MAST4: variants seen among roughly 807,000 people sequenced by gnomAD.
MAST4 encodes the protein microtubule-associated serine/threonine-protein kinase 4.
Under a neutral mutation model 162.7 loss-of-function variants are expected in MAST4, and 89 were observed. The observed-to-expected ratio is 0.55, with a 90% confidence interval of 0.46 to 0.65. The LOEUF (loss-of-function observed/expected upper bound fraction) is 0.65. MAST4 is among the 30% of genes least tolerant of loss of function. MAST4 has a pLI of 0.00. For missense variants in MAST4, 3,153 were observed against 3,374.0 expected, an observed-to-expected ratio of 0.93 and a Z score of 1.62; for synonymous variants, 1,479 against 1,361.1, an observed-to-expected ratio of 1.09 and a Z score of -1.91.
At chr5:66,711,536 TAGAA>T (rs1460020441) in intron 1 of MAST4, among the ~76,000 whole-genome samples, 10 of 152,160 alleles carry the variant, frequency 6.6e-5, no homozygotes, top group Non-Finnish European at 1.5e-4. Flanking sequence ...GCCTCCTCCT[TAGAA>T]AGACGCTTTT....
chr5:67,144,519 T>C, intron 21 of MAST4, 150 bp from the exon 22 acceptor site: 5 of 722,612 alleles, frequency 6.9e-6, no homozygotes, highest in Admixed American at 2.8e-5. Flanking sequence ...CTCTGGATTC[T>C]GGTTAACAAC....
chr5:66,847,763 G>A (rs1023272453), intron 3 of MAST4, among the ~76,000 whole-genome samples: 1 of 138,300 alleles, frequency 7.2e-6, no homozygotes, highest in Non-Finnish European at 1.5e-5. Context: ...GGAAGTTGCA[G>A]TGAGCTGAGA....
chr5:66,825,710 A>C (rs1757220169), intron 3 of MAST4, among the ~76,000 whole-genome samples: 1 of 152,214 alleles, frequency 6.6e-6, no homozygotes, highest in Non-Finnish European at 1.5e-5. Flanking sequence ...TATTCCAGGA[A>C]GTAAATTATG....
At chr5:66,924,729 T>G (rs941466794) in intron 4 of MAST4, among the ~76,000 whole-genome samples, 1 of 152,122 alleles carries the variant, frequency 6.6e-6, no homozygotes, top group Non-Finnish European at 1.5e-5. Context: ...AAATTGATCA[T>G]GTAGGTGGTC....
intron 10 of MAST4, among the ~76,000 whole-genome samples, chr5:67,104,787 T>G (rs972403793): frequency 6.6e-6 from 1 of 152,180 alleles, no homozygotes; most frequent in Non-Finnish European, 1.5e-5. Context: ...GTAATAACCT[T>G]TACAGGAATC....
intron 4 of MAST4, chr5:66,958,958 A>T (rs1166086772): frequency 1.2e-4 from 15 of 123,928 alleles, no homozygotes; most frequent in East Asian, 6.0e-4. Flanking sequence ...GACTTTCTTT[A>T]AAAAAAAAAA....
At chr5:66,945,771 G>T (rs1005461394) in intron 4 of MAST4, among the ~76,000 whole-genome samples, 1 of 152,228 alleles carries the variant, frequency 6.6e-6, no homozygotes, top group Admixed American at 6.5e-5. Flanking sequence ...CTGGCTGAAT[G>T]ATCTTTTATA....
chr5:66,625,513 A>G (rs1482059811), intron 1 of MAST4, among the ~76,000 whole-genome samples: 1 of 152,238 alleles, frequency 6.6e-6, no homozygotes, highest in Non-Finnish European at 1.5e-5. Flanking sequence ...AAATAATCCA[A>G]TTAAACGGGC....
At chr5:66,785,775 C>T (rs75827166) in intron 2 of MAST4, among the ~76,000 whole-genome samples, 1,546 of 152,242 alleles carry the variant, frequency 0.01, 34 homozygotes, top group African/African-American at 0.035. Context: ...GGCCCTATAA[C>T]AGGTACTGGG....
intron 4 of MAST4, among the ~76,000 whole-genome samples, chr5:66,990,589 C>T (rs562300894): frequency 6.6e-5 from 10 of 152,256 alleles, no homozygotes; most frequent in Non-Finnish European, 1.2e-4. Context: ...TAGTGAGCTA[C>T]GATCATGCCA....
intron 3 of MAST4, among the ~76,000 whole-genome samples, chr5:66,861,063 G>T (rs1305116676): frequency 6.6e-6 from 1 of 152,130 alleles, no homozygotes; most frequent in Non-Finnish European, 1.5e-5. Flanking sequence ...CTCAGGATTT[G>T]CCTTATAATT....
chr5:67,139,760 G>A (rs535416288), intron 19 of MAST4, among the ~76,000 whole-genome samples: 10 of 152,178 alleles, frequency 6.6e-5, no homozygotes, highest in East Asian at 1.9e-4. Flanking sequence ...GCTATCACCC[G>A]TATTTTACCA....
chr5:66,727,685 T>C (rs911998478), intron 1 of MAST4, among the ~76,000 whole-genome samples: 1 of 152,140 alleles, frequency 6.6e-6, no homozygotes, highest in Non-Finnish European at 1.5e-5. Context: ...TATGTGGCTT[T>C]TTTGGAGGGA....
chr5:67,085,840 C>T (rs1171906872), intron 5 of MAST4, among the ~76,000 whole-genome samples: 1 of 152,136 alleles, frequency 6.6e-6, no homozygotes, highest in East Asian at 1.9e-4. Flanking sequence ...TCATGAGTCA[C>T]CTGTCTGGGT....
rs1763406058 is a variant in MAST4 at position 66,907,155 on chromosome 5, AAGCG to A, written c.674+7176_674+7179del. The stretch of plus-strand genomic sequence containing the variant: ...TGAAAAGGAAAAATAACTCTCAGCA[AAGCG>A]AGAGAGAGAGAGAGAGAGAGAGAGA... On this transcript the variant is annotated intron_variant, in intron 4 of 28. Coordinates refer to ENST00000403625, the MANE Select transcript of MAST4 (RefSeq NM_001164664.2). 4.5e-5 allele frequency among the ~76,000 whole-genome samples: 5 copies of A among 112,120 alleles called. 1 individual carries two copies. The Admixed American group carries it at 4.7e-4, about 11-fold the overall frequency. The allele number at this position is 112,120 out of a possible 152,430, so 73.6% of individuals were successfully genotyped here.
At chr5:66,650,493 T>C (rs903442159) in intron 1 of MAST4, among the ~76,000 whole-genome samples, 2 of 152,172 alleles carry the variant, frequency 1.3e-5, no homozygotes, top group Admixed American at 1.3e-4. Context: ...TTTTTCATCA[T>C]ACAGCTAAAA....
chr5:66,938,849 GT>G (rs1561462225), intron 4 of MAST4, among the ~76,000 whole-genome samples: 1 of 152,196 alleles, frequency 6.6e-6, no homozygotes, highest in Non-Finnish European at 1.5e-5. Flanking sequence ...CAACTGGCAG[GT>G]TGGGGAAATT....
intron 3 of MAST4, among the ~76,000 whole-genome samples, chr5:66,818,788 T>A (rs1181588811): frequency 6.6e-6 from 1 of 152,210 alleles, no homozygotes; most frequent in Admixed American, 6.5e-5. Flanking sequence ...GGCGGCCACC[T>A]GGGCCCTTCG....
At chr5:66,781,116 C>T (rs1157332420) in intron 2 of MAST4, among the ~76,000 whole-genome samples, 1 of 152,188 alleles carries the variant, frequency 6.6e-6, no homozygotes, top group Non-Finnish European at 1.5e-5. Context: ...TGAGTTGTTT[C>T]CTCCTTTTGG....
Sources: allele counts gnomAD v4.1 joint callset (sites outside exome capture counted in the v4.1 genomes callset), GRCh38; gene constraint gnomAD v4.1.1; transcripts MANE v1.5; gene names NCBI Gene and HGNC (gene_info 2026-07-23, HGNC 2026-07-21).